Variants in PIH1D2 observed in about 807,000 individuals in gnomAD.
The protein encoded by PIH1D2 is PIH1 domain containing 2, also known as PIH1 domain-containing protein 2.
A neutral mutation model predicts 31.2 loss-of-function variants in PIH1D2; 25 were observed. That is an observed-to-expected ratio of 0.80 (90% CI 0.58 to 1.12). PIH1D2 has a LOEUF of 1.12. PIH1D2 is among the 50% of genes most tolerant of loss of function. The pLI is 0.00. For synonymous variants in PIH1D2, 116 were observed against 119.9 expected (o/e 0.97, Z 0.21); for missense variants, 310 against 356.6 (o/e 0.87, Z 1.05).
At chr11:112,052,954 C>T in the PIH1D2 span, among the ~76,000 whole-genome samples, 1 of 152,010 alleles carries the variant, frequency 6.6e-6, no homozygotes, top group Non-Finnish European at 1.5e-5. Context: ...CAGGAAATTC[C>T]GGTTCTAGGG....
chr11:112,058,290 G>A (rs1463856619), downstream of PIH1D2, among the ~76,000 whole-genome samples: 4 of 152,218 alleles, frequency 2.6e-5, no homozygotes, highest in African/African-American at 9.6e-5. Flanking sequence ...AGTATTTGCT[G>A]TGTGATACCT....
At chr11:112,056,141 C>CA in the PIH1D2 span, among the ~76,000 whole-genome samples, 1 of 151,968 alleles carries the variant, frequency 6.6e-6, no homozygotes, top group Admixed American at 6.6e-5. Context: ...GCTGGGATTA[C>CA]AGCATGAGCC....
downstream of PIH1D2, chr11:112,059,887 T>C: frequency 6.4e-7 from 1 of 1,561,628 alleles, no homozygotes; most frequent in Non-Finnish European, 8.7e-7. Flanking sequence ...TTATATTTAT[T>C]TTTCTTTTTA....
intron 5 of PIH1D2, 108 bp from the exon 6 acceptor site, chr11:112,068,113 A>G: frequency 1.2e-6 from 1 of 812,348 alleles, no homozygotes; most frequent in Non-Finnish European, 1.9e-6. Flanking sequence ...ATTTGTTGCC[A>G]TGTGACTTGG....
chr11:112,069,351 G>T (rs1234556489), intron 5 of PIH1D2, among the ~76,000 whole-genome samples: 19 of 152,082 alleles, frequency 1.2e-4, no homozygotes, highest in Non-Finnish European at 2.5e-4. Flanking sequence ...CCTTACATTT[G>T]GCTAAAATGA....
downstream of PIH1D2, chr11:112,061,460 AT>A: frequency 5.4e-6 from 2 of 372,682 alleles, no homozygotes; most frequent in Non-Finnish European, 9.8e-6. Flanking sequence ...CTTACTGGAA[AT>A]TTGTGGAATT....
chr11:112,061,034 C>G, downstream of PIH1D2: 2 of 1,579,682 alleles, frequency 1.3e-6, no homozygotes, highest in Non-Finnish European at 1.7e-6. Context: ...TTTTTTTCCT[C>G]TAGGGTGGCA....
chr11:112,071,067 G>T lies in PIH1D2; in HGVS notation c.518C>A (p.Ser173Tyr), dbSNP rs781887546. 8 of 1,613,128 alleles carry T rather than the reference G, an allele frequency of 5.0e-6. No homozygotes were observed. Among genetic ancestry groups the T allele is most frequent in the Non-Finnish European group, 6.8e-6 (8 of 1,179,664 alleles). Residue 173 changes from serine (S) to tyrosine (Y), a missense_variant, in exon 4 of 6, where the codon TCC (serine) becomes TAC (tyrosine). Ser to Tyr is a moderately radical substitution (Grantham distance 144). Transcript: ENST00000280350. ...TCTCATTTTTTCTCTTAAATCTATGGAATCAGTTTGGATTCCCATCAGATT... is the reference window on the plus strand; with the variant it reads ...TCTCATTTTTTCTCTTAAATCTATGTAATCAGTTTGGATTCCCATCAGATT... ...KQNLMGIQTD[S>Y]IDLREKMRRE...
At chr11:112,064,152 A>C (rs782330353), downstream of PIH1D2, 43 of 1,554,160 alleles carry the variant, frequency 2.8e-5, no homozygotes, top group Non-Finnish European at 3.7e-5. Context: ...ATATGATCCA[A>C]ATCTGGTTCA....
chr11:112,072,836 C>G, intron 2 of PIH1D2, 162 bp downstream of exon 2: 2 of 781,370 alleles, frequency 2.6e-6, no homozygotes, highest in Non-Finnish European at 3.8e-6. Flanking sequence ...TGCACTCCAG[C>G]CTGGTGACAA....
At chr11:112,062,718 T>G (rs1432272610), downstream of PIH1D2, 1 of 653,198 alleles carries the variant, frequency 1.5e-6, no homozygotes. Flanking sequence ...CACCCAAATA[T>G]TGTGCACATT....
At chr11:112,057,125 C>T in the PIH1D2 span, among the ~76,000 whole-genome samples, 1 of 152,126 alleles carries the variant, frequency 6.6e-6, no homozygotes, top group African/African-American at 2.4e-5. Flanking sequence ...GAACCATGCC[C>T]ATATAAGATG....
downstream of PIH1D2, chr11:112,062,600 G>A (rs1461731124): frequency 3.2e-6 from 5 of 1,542,426 alleles, no homozygotes; most frequent in Middle Eastern, 2.3e-4. Context: ...ATATTTATAT[G>A]TTATTAAACA....
downstream of PIH1D2, chr11:112,061,115 A>G: frequency 6.2e-7 from 1 of 1,614,138 alleles, no homozygotes; most frequent in Admixed American, 1.7e-5. Flanking sequence ...CACCTCAAGC[A>G]TGTATTTTGG....
At position 112,073,124 on chromosome 11, in the gene PIH1D2, G is replaced by A. The variant is rs1555185055; in HGVS notation, c.51C>T (p.Asn17=). ...GLLTQVTQFW[N]LLDDLAQSDP... ...CACTCTGAGCTAGATCATCTAGGAG[G>A]TTCCAAAACTGAGTAACTTGGGTAA... is the stretch of plus-strand genomic sequence containing the variant. Residue 17 remains asparagine, a synonymous_variant, in exon 2 of 6, where the codon AAC becomes AAT. Coordinates refer to ENST00000280350, the MANE Select transcript of PIH1D2 (RefSeq NM_138789.4). 6.2e-7 allele frequency: 1 copy of A among 1,613,842 alleles called. No individual in the cohort carries two copies. Among genetic ancestry groups the A allele is most frequent in the East Asian group, 2.2e-5 (1 of 44,876 alleles).
chr11:112,068,998 G>GTTTTTTTTTTTTTTTTT (rs1250203455), intron 5 of PIH1D2, among the ~76,000 whole-genome samples: 2 of 79,346 alleles, frequency 2.5e-5, no homozygotes, highest in African/African-American at 5.0e-5. Context: ...TTTTTTTTTT[G>GTTTTTTTTTTTTTTTTT]TTTTTTTTTT....
chr11:112,070,385 G>A (rs781983962), intron 5 of PIH1D2, 51 bp downstream of exon 5: 2 of 1,571,948 alleles, frequency 1.3e-6, no homozygotes, highest in South Asian at 1.1e-5. Context: ...CATAATATAT[G>A]TTAGTGAATG....
downstream of PIH1D2, chr11:112,062,773 G>A: frequency 6.3e-6 from 3 of 474,076 alleles, no homozygotes. Context: ...CCTAATTAAG[G>A]GACATGTATG....
chr11:112,062,571 C>A (rs587683261), downstream of PIH1D2: 1 of 1,605,094 alleles, frequency 6.2e-7, no homozygotes, highest in Non-Finnish European at 8.5e-7. Context: ...CCAGGTCACA[C>A]TGATTCATTC....
Sources: allele counts gnomAD v4.1 joint callset (sites outside exome capture counted in the v4.1 genomes callset), GRCh38; gene constraint gnomAD v4.1.1; transcripts MANE v1.5; gene names NCBI Gene and HGNC (gene_info 2026-07-23, HGNC 2026-07-21).